The following ENAH variants were observed in gnomAD, a reference collection of about 807,000 sequenced individuals.
The protein encoded by ENAH is ENAH actin regulator.
ENAH carries 23 observed loss-of-function variants against 78.7 expected under a neutral mutation model. The ratio of observed to expected loss-of-function variants is 0.29; its 90% CI spans 0.21 to 0.41. The LOEUF is 0.41. ENAH is among the 10% of genes least tolerant of loss of function. The pLI is 1.00. For synonymous variants in ENAH, 226 were observed against 241.0 expected (o/e 0.94, Z 0.58); for missense variants, 544 against 691.0 (o/e 0.79, Z 2.39).
intron 1 of ENAH, among the ~76,000 whole-genome samples, chr1:225,603,166 T>G (rs1253481916): frequency 6.6e-6 from 1 of 152,122 alleles, no homozygotes; most frequent in Non-Finnish European, 1.5e-5. Context: ...CAATAGAAAT[T>G]TGTTAATGGT....
intron 1 of ENAH, among the ~76,000 whole-genome samples, chr1:225,574,079 TA>T (rs1336047756): frequency 6.6e-6 from 1 of 152,204 alleles, no homozygotes; most frequent in Non-Finnish European, 1.5e-5. Flanking sequence ...GAAGATAAAA[TA>T]CTAAGAAATA....
chr1:225,615,933 T>C (rs1267515523), intron 1 of ENAH, among the ~76,000 whole-genome samples: 5 of 152,220 alleles, frequency 3.3e-5, no homozygotes, highest in Admixed American at 1.3e-4. Context: ...ATTGTTACTG[T>C]GTCTGTGTAG....
intron 1 of ENAH, among the ~76,000 whole-genome samples, chr1:225,603,823 A>T (rs1003069710): frequency 2.6e-5 from 4 of 152,232 alleles, no homozygotes; most frequent in Non-Finnish European, 5.9e-5. Flanking sequence ...ACTACAAAGA[A>T]TTTCACAAAT....
Position 225,497,713 on chromosome 1 carries a change from G to C in ENAH, c.*62C>G. 2.6e-6 allele frequency: 4 copies of C among 1,534,088 alleles called. No individual in the cohort carries two copies. In the South Asian group the frequency reaches 4.6e-5, roughly 18 times the overall value. ...ATGTAGGGGTTTGCTGTTGTGAACA[G>C]TTGTTGTTTGTAGGATATTTTTCCT... On this transcript the variant is annotated 3_prime_UTR_variant, in exon 14 of 14. Coordinates refer to ENST00000366843, the MANE Select transcript of ENAH (RefSeq NM_018212.6).
intron 2 of ENAH, among the ~76,000 whole-genome samples, chr1:225,558,115 GCT>G (rs769523146): frequency 1.3e-5 from 2 of 152,014 alleles, no homozygotes; most frequent in Admixed American, 6.6e-5. Flanking sequence ...GTTTGATATT[GCT>G]CTGTTTGAAA....
rs191593938 is a variant in ENAH, at chr1:225,553,687, G to T, written c.349+1219C>A. Among the ~76,000 whole-genome samples, 92 of 152,240 alleles carry T rather than the reference G, an allele frequency of 6.0e-4. 1 individual carries two copies. The highest frequency in any genetic ancestry group is 2.0e-3 in the African/African-American group (85 of 41,556). On this transcript the variant is annotated intron_variant, in intron 3 of 13. Coordinates refer to ENST00000366843, the MANE Select transcript of ENAH (RefSeq NM_018212.6). ...GCCAATAAAATACTGACACCTAGGA[G>T]AGAAGTACAGAGACTTAGAGAAATG...
intron 1 of ENAH, among the ~76,000 whole-genome samples, chr1:225,583,084 T>A (rs1048177882): frequency 1.2e-4 from 18 of 152,040 alleles, no homozygotes; most frequent in Admixed American, 1.2e-3. Context: ...AAGCTGCCAA[T>A]CTAGAATTCC....
At chr1:225,532,003 TA>T (rs59412829) in intron 3 of ENAH, among the ~76,000 whole-genome samples, 2,399 of 150,790 alleles carry the variant, frequency 0.016, 70 homozygotes, top group African/African-American at 0.051. Flanking sequence ...ATAAATATTA[TA>T]AAAAAAAATT....
chr1:225,591,764 CAAAAAAAAAAAAA>C (rs55680042), intron 1 of ENAH, among the ~76,000 whole-genome samples: 1,144 of 39,564 alleles, frequency 0.029, 21 homozygotes, highest in African/African-American at 0.07. Context: ...GACTCCGTCT[CAAAAAAAAAAAAA>C]AAAAAAAAAA....
intron 1 of ENAH, among the ~76,000 whole-genome samples, chr1:225,632,472 T>C (rs1659268884): frequency 7.0e-6 from 1 of 142,684 alleles, no homozygotes; most frequent in Non-Finnish European, 1.5e-5. Flanking sequence ...CACTCCAACC[T>C]GGGTGACACA....
chr1:225,501,687 A>G (rs751819896), intron 11 of ENAH, among the ~76,000 whole-genome samples: 4 of 152,240 alleles, frequency 2.6e-5, no homozygotes, highest in Non-Finnish European at 5.9e-5. Context: ...TCCTTGTGAA[A>G]TTTTTATGGA....
intron 9 of ENAH, among the ~76,000 whole-genome samples, chr1:225,512,115 A>G (rs1292607612): frequency 6.6e-6 from 1 of 152,162 alleles, no homozygotes; most frequent in Non-Finnish European, 1.5e-5. Context: ...AAAGCCAGAC[A>G]CGAGAGACAG....
chr1:225,538,858 G>A (rs972593191), intron 3 of ENAH, among the ~76,000 whole-genome samples: 1 of 152,192 alleles, frequency 6.6e-6, no homozygotes, highest in Non-Finnish European at 1.5e-5. Context: ...ACTGGAAGTT[G>A]AGGGGCCTAT....
At chr1:225,648,597 G>T (rs1260234866) in intron 1 of ENAH, among the ~76,000 whole-genome samples, 1 of 152,040 alleles carries the variant, frequency 6.6e-6, no homozygotes, top group African/African-American at 2.4e-5. Context: ...TGAAGATTTG[G>T]CTCTTGCTCC....
At chr1:225,578,157 G>A (rs776200144) in intron 1 of ENAH, among the ~76,000 whole-genome samples, 3 of 151,972 alleles carry the variant, frequency 2.0e-5, no homozygotes, top group Non-Finnish European at 2.9e-5. Context: ...TCTGGAGACC[G>A]AAAAAAATAA....
At position 225,530,627 on chromosome 1, in the gene ENAH, G is replaced by C; in HGVS notation, c.361C>G (p.Pro121Ala). The change falls in exon 4 of 14, where the codon CCT (proline) becomes GCT (alanine). Residue 121 changes from proline (P) to alanine (A), a missense_variant. By Grantham distance (27) the Pro-to-Ala change is conservative. This residue lies in a region of ENAH where 77 missense variants were observed against 151.8 expected (regional missense o/e 0.51). Coordinates refer to ENST00000366843, the MANE Select transcript of ENAH (RefSeq NM_018212.6). Reference sequence around the variant, plus strand: ...GCAGGTAGTTGTGAGTTTTGTCTAGGCAATGTTGGCCCTACAGAGGGAGAA... The same window carrying C: ...GCAGGTAGTTGTGAGTTTTGTCTAGCCAATGTTGGCCCTACAGAGGGAGAA... ...LNSQETGPTL[P>A]RQNSQLPAQV... The C allele has an allele frequency of 1.2e-6, 2 of 1,612,706 alleles. No individual in the cohort carries two copies. The highest frequency in any genetic ancestry group is 1.7e-6 in the Non-Finnish European group (2 of 1,178,898).
Position 225,495,456 on chromosome 1 carries a change from G to GTTTTTTTTTTT in ENAH, c.*2308_*2318dup, listed in dbSNP as rs33964064. On this transcript the variant is annotated 3_prime_UTR_variant, in exon 14 of 14. Coordinates refer to ENST00000366843, the MANE Select transcript of ENAH (RefSeq NM_018212.6). ...GGAAATATAGCATGATTCAACACTG[G>GTTTTTTTTTTT]TTTTTTTTTTTTTTTTTTTTTGTCA... The GTTTTTTTTTTT allele has an allele frequency of 5.4e-5, 6 of 110,734 alleles. No homozygotes were observed. The highest frequency in any genetic ancestry group is 1.1e-4 in the Admixed American group (1 of 9,310). 6.9% of individuals were successfully genotyped at this position (110,734 alleles called of 1,614,324 possible).
At chr1:225,580,327 G>A (rs557500826) in intron 1 of ENAH, 1 of 152,082 alleles carries the variant, frequency 6.6e-6, no homozygotes, top group South Asian at 2.1e-4. Context: ...GAGGCCCTCA[G>A]TCTAACAGCT....
intron 12 of ENAH, among the ~76,000 whole-genome samples, chr1:225,499,170 T>C (rs1346374579): frequency 1.3e-5 from 2 of 152,202 alleles, no homozygotes; most frequent in Non-Finnish European, 2.9e-5. Context: ...TTAAAATTAA[T>C]GTCCTTTTGT....
Sources: allele counts gnomAD v4.1 joint callset (sites outside exome capture counted in the v4.1 genomes callset), GRCh38; gene constraint gnomAD v4.1.1; regional missense constraint gnomAD v4.1.1; transcripts MANE v1.5; gene names NCBI Gene and HGNC (gene_info 2026-07-23, HGNC 2026-07-21).